Variants in ANKFN1 observed in about 807,000 individuals in gnomAD.
The protein encoded by ANKFN1 is ankyrin repeat and fibronectin type-III domain-containing protein 1.
In ANKFN1, 74 loss-of-function variants were observed where a neutral mutation model predicts 108.7. The observed-to-expected ratio is 0.68, with a 90% CI of 0.56 to 0.83. The LOEUF (loss-of-function observed/expected upper bound fraction) is 0.83. Among genes scored for constraint, ANKFN1 ranks in the 40% least tolerant of loss-of-function variants. The pLI, the probability that ANKFN1 is intolerant of heterozygous loss-of-function variation, is 0.00. For missense variants in ANKFN1, 1,505 were observed against 1,382.3 expected (o/e 1.09, Z -1.41); for synonymous variants, 547 against 516.2 (o/e 1.06, Z -0.81).
intron 3 of ANKFN1, among the ~76,000 whole-genome samples, chr17:56,268,249 C>A (rs1217147209): frequency 1.3e-5 from 2 of 152,050 alleles, no homozygotes; most frequent in Admixed American, 1.3e-4. Context: ...GACCGCAGCA[C>A]AATAAAAATA....
At chr17:56,405,076 G>A (rs2047879856) in intron 8 of ANKFN1, among the ~76,000 whole-genome samples, 1 of 152,202 alleles carries the variant, frequency 6.6e-6, no homozygotes, top group Non-Finnish European at 1.5e-5. Flanking sequence ...GTGGGGGGTA[G>A]TGCAATGAAC....
At chr17:56,258,918 A>G (rs980561903) in intron 3 of ANKFN1, among the ~76,000 whole-genome samples, 14 of 152,194 alleles carry the variant, frequency 9.2e-5, no homozygotes, top group African/African-American at 3.1e-4. Flanking sequence ...CTCGAAAAAT[A>G]AATAAGTAAA....
intron 2 of ANKFN1, among the ~76,000 whole-genome samples, chr17:56,217,501 G>C (rs1915507826): frequency 6.6e-6 from 1 of 152,164 alleles, no homozygotes; most frequent in African/African-American, 2.4e-5. Flanking sequence ...AGCAACATTT[G>C]ACAATGTTTT....
chr17:56,124,080 A>T (rs997892612), intron 4 of ANKFN1, among the ~76,000 whole-genome samples: 2 of 152,168 alleles, frequency 1.3e-5, no homozygotes, highest in Admixed American at 6.5e-5. Context: ...GTATTTAACA[A>T]ACTCTAAGGT....
In ANKFN1 at chr17:56,516,390, G is replaced by C. The variant is rs1039943537; in HGVS notation, c.*5121G>C. On this transcript the variant is annotated 3_prime_UTR_variant, in exon 21 of 21. Coordinates refer to ENST00000682825, the MANE Select transcript of ANKFN1 (RefSeq NM_001370326.1). ...TTCCTAATGTGTACATAGCAATCTGGCTGATTATTGGTTGTTACTTGTTCA... is the reference window on the plus strand; with the variant it reads ...TTCCTAATGTGTACATAGCAATCTGCCTGATTATTGGTTGTTACTTGTTCA... 2.6e-5 allele frequency among the ~76,000 whole-genome samples: 4 copies of C among 152,022 alleles called. No individual in the cohort carries two copies. Among genetic ancestry groups the C allele is most frequent in the African/African-American group, 9.7e-5 (4 of 41,362 alleles).
intron 4 of ANKFN1, among the ~76,000 whole-genome samples, chr17:56,068,570 G>C (rs896205751): frequency 1.3e-5 from 2 of 152,202 alleles, no homozygotes; most frequent in African/African-American, 4.8e-5. Flanking sequence ...GCACACAGCA[G>C]GTGGAAGAAG....
chr17:56,493,501 G>A (rs185485137), intron 19 of ANKFN1, among the ~76,000 whole-genome samples: 14 of 152,228 alleles, frequency 9.2e-5, no homozygotes, highest in Non-Finnish European at 1.6e-4. Context: ...ATTGGTTGGG[G>A]CATAAATTGA....
At chr17:56,383,264 A>G (rs2047159836) in intron 8 of ANKFN1, among the ~76,000 whole-genome samples, 1 of 152,198 alleles carries the variant, frequency 6.6e-6, no homozygotes, top group Non-Finnish European at 1.5e-5. Context: ...AGAAATAAAG[A>G]TGTTCTTTGA....
intron 18 of ANKFN1, among the ~76,000 whole-genome samples, chr17:56,483,609 T>G (rs1598701405): frequency 2.0e-5 from 3 of 152,362 alleles, no homozygotes; most frequent in Admixed American, 2.0e-4. Flanking sequence ...ACTCGTAGAC[T>G]GGGACTTGAG....
chr17:56,268,054 G>A (rs1019006581), intron 3 of ANKFN1, among the ~76,000 whole-genome samples: 1 of 152,024 alleles, frequency 6.6e-6, no homozygotes, highest in Non-Finnish European at 1.5e-5. Context: ...AGATATTCAG[G>A]ACCTATATTC....
rs1359840859 is a variant in ANKFN1, at chr17:56,508,088, C to T, written c.2645-2385C>T. Among the ~76,000 whole-genome samples the T allele has an allele frequency of 3.3e-5, 5 of 152,224 alleles. No homozygotes were observed. The East Asian group carries it at 7.7e-4, about 23-fold the overall frequency. On this transcript the variant is annotated intron_variant, in intron 20 of 20. Coordinates refer to ENST00000682825, the MANE Select transcript of ANKFN1 (RefSeq NM_001370326.1). Reference sequence around the variant, plus strand: ...TCCTGGACTTCTATTTTCTTCCACACAACCACAGCTCTTGCTTAGCCCCAC... The same window carrying T: ...TCCTGGACTTCTATTTTCTTCCACATAACCACAGCTCTTGCTTAGCCCCAC...
At chr17:56,112,668 A>G (rs1253076930) in intron 4 of ANKFN1, among the ~76,000 whole-genome samples, 1 of 152,224 alleles carries the variant, frequency 6.6e-6, no homozygotes, top group Non-Finnish European at 1.5e-5. Context: ...TTTAAATAGA[A>G]TCACACTATA....
chr17:56,455,987 GA>G (rs1444384259), intron 11 of ANKFN1, among the ~76,000 whole-genome samples: 1 of 152,122 alleles, frequency 6.6e-6, no homozygotes, highest in Non-Finnish European at 1.5e-5. Flanking sequence ...ACACAATGAA[GA>G]AAAAAACTGT....
intron 2 of ANKFN1, among the ~76,000 whole-genome samples, chr17:56,227,413 T>G (rs551915000): frequency 5.9e-5 from 9 of 152,308 alleles, no homozygotes; most frequent in African/African-American, 2.2e-4. Context: ...AAGCTTTCTA[T>G]TTCTTGGAAA....
At position 56,374,733 on chromosome 17, in the gene ANKFN1, G is replaced by T; in HGVS notation, c.910+19G>T. On this transcript the variant is annotated intron_variant, in intron 8 of 20. Coordinates refer to ENST00000682825, the MANE Select transcript of ANKFN1 (RefSeq NM_001370326.1). ...TATAAAGGTACTGGACCCAAGACATGTTTTCATCACTCCTTCTTAAAAAAG... is the reference window on the plus strand; with the variant it reads ...TATAAAGGTACTGGACCCAAGACATTTTTTCATCACTCCTTCTTAAAAAAG... 6.4e-7 allele frequency: 1 copy of T among 1,562,510 alleles called. No individual in the cohort carries two copies.
At chr17:56,145,703 C>A (rs1303117950) in intron 4 of ANKFN1, among the ~76,000 whole-genome samples, 1 of 152,118 alleles carries the variant, frequency 6.6e-6, no homozygotes, top group Admixed American at 6.5e-5. Context: ...TATTATTCTG[C>A]CCCTGGACCC....
rs770869992 is a variant in ANKFN1, at chr17:56,511,043, T to G, written c.3215T>G (p.Leu1072Arg). Residue 1072 changes from leucine (L) to arginine (R), a missense_variant, in exon 21 of 21, where the codon CTT becomes CGT. Transcript: ENST00000682825. ...RGLTLAHAAS[L>R]PEERNSSLQD... is the part of the protein sequence containing the mutation. ...CTAACTCTGGCCCACGCTGCCAGCC[T>G]TCCTGAGGAGCGGAACAGCAGTCTC... The G allele has an allele frequency of 1.3e-6, 2 of 1,535,988 alleles. No individual in the cohort carries two copies. Among genetic ancestry groups the G allele is most frequent in the South Asian group, 2.4e-5 (2 of 84,054 alleles).
rs141537722 is a variant in ANKFN1, at chr17:56,456,919, C to A, written c.1266C>A (p.His422Gln). The A allele has an allele frequency of 1.5e-5, 25 of 1,614,024 alleles. No homozygotes were observed. In the South Asian group the frequency reaches 2.6e-4, roughly 17 times the overall value. ...AGTCAGTCTCAAGAAGCCTGAAACA[C>A]CTGTTCCATTCCTCGAACAAGTTTG... ...RKQSVSRSLK[H>Q]LFHSSNKFVK... is the part of the protein sequence containing the mutation. The change falls in exon 12 of 21, where the codon CAC becomes CAA. Residue 422 changes from histidine to glutamine, a missense_variant. By Grantham distance (24) the His-to-Gln change is conservative. Coordinates refer to ENST00000682825, the MANE Select transcript of ANKFN1 (RefSeq NM_001370326.1).
intron 4 of ANKFN1, among the ~76,000 whole-genome samples, chr17:56,123,869 G>A (rs1336034693): frequency 1.4e-5 from 2 of 147,948 alleles, no homozygotes; most frequent in Non-Finnish European, 3.0e-5. Flanking sequence ...GAGAGAGACT[G>A]TGCAAGTCAC....
Sources: allele counts gnomAD v4.1 joint callset (sites outside exome capture counted in the v4.1 genomes callset), GRCh38; gene constraint gnomAD v4.1.1; transcripts MANE v1.5; gene names NCBI Gene and HGNC (gene_info 2026-07-23, HGNC 2026-07-21).